The following FMO4 variants were observed in gnomAD, a reference collection of about 807,000 sequenced individuals.
FMO4 encodes the protein dimethylaniline monooxygenase [N-oxide-forming] 4.
FMO4 carries 38 observed loss-of-function variants against 43.3 expected under a neutral mutation model. That is an observed-to-expected ratio of 0.88 (90% confidence interval 0.68 to 1.15). The LOEUF is 1.15. Ranked by LOEUF, FMO4 falls within the 50% of genes most tolerant of loss-of-function variation. FMO4 has a pLI of 0.00. For missense variants in FMO4, 631 were observed against 663.3 expected (o/e 0.95, Z 0.54); for synonymous variants, 224 against 232.2 (o/e 0.96, Z 0.32).
At chr1:171,337,808 G>T (rs373096528) in intron 9 of FMO4, among the ~76,000 whole-genome samples, 195 of 152,082 alleles carry the variant, frequency 1.3e-3, no homozygotes, top group Middle Eastern at 6.8e-3. Flanking sequence ...TAGTCCTCAG[G>T]CCTCTTCTCA....
chr1:171,336,473 A>G (rs1177242348), intron 8 of FMO4, among the ~76,000 whole-genome samples: 1 of 152,208 alleles, frequency 6.6e-6, no homozygotes, highest in Admixed American at 6.5e-5. Flanking sequence ...TAGATGGGAG[A>G]TTGGGAATGA....
intron 5 of FMO4, among the ~76,000 whole-genome samples, chr1:171,325,976 T>C (rs935164742): frequency 3.3e-5 from 5 of 150,852 alleles, no homozygotes; most frequent in African/African-American, 9.8e-5. Context: ...GCCTCCAGAA[T>C]AGTTGGGACT....
intron 3 of FMO4, among the ~76,000 whole-genome samples, chr1:171,322,500 A>G (rs948927701): frequency 1.3e-5 from 2 of 152,194 alleles, no homozygotes; most frequent in Admixed American, 6.5e-5. Context: ...AATCCCACCA[A>G]TGATTTCTGA....
intron 6 of FMO4, 134 bp downstream of exon 6, chr1:171,331,916 ACATTG>A: frequency 1.2e-6 from 1 of 802,446 alleles, no homozygotes; most frequent in Non-Finnish European, 2.0e-6. Context: ...AAAAAAAAAA[ACATTG>A]AAAATCTTTA....
chr1:171,329,168 G>C (rs140797614), intron 5 of FMO4, among the ~76,000 whole-genome samples: 60 of 152,080 alleles, frequency 3.9e-4, no homozygotes, highest in African/African-American at 1.4e-3. Flanking sequence ...AAGGTCAAGA[G>C]GGAAGAGAGA....
chr1:171,319,910 A>C lies in FMO4; in HGVS notation c.85A>C (p.Thr29Pro), dbSNP rs908136828. 1 of 1,613,788 alleles carries C rather than the reference A, an allele frequency of 6.2e-7. No homozygotes were observed. Among genetic ancestry groups the C allele is most frequent in the African/African-American group, 1.3e-5 (1 of 74,906 alleles). Reference protein sequence around the residue: ...KCCVDEDLEPTCFERSDDIGG... With the variant: ...KCCVDEDLEPPCFERSDDIGG... Reference sequence around the variant, plus strand: ...CTGTGTGGATGAGGACCTGGAGCCCACCTGCTTTGAGAGAAGTGATGACAT... The same window carrying C: ...CTGTGTGGATGAGGACCTGGAGCCCCCCTGCTTTGAGAGAAGTGATGACAT... The change falls in exon 3 of 10, where the codon ACC becomes CCC. Residue 29 changes from threonine to proline, a missense_variant. Physicochemically the swap from Thr to Pro is conservative, Grantham distance 38. Coordinates refer to ENST00000367749, the MANE Select transcript of FMO4 (RefSeq NM_002022.3).
intron 8 of FMO4, among the ~76,000 whole-genome samples, chr1:171,336,196 C>T (rs1021480293): frequency 1.3e-5 from 2 of 151,882 alleles, no homozygotes; most frequent in Admixed American, 6.6e-5. Flanking sequence ...CAGGACTGGC[C>T]AGAATGGGAT....
chr1:171,340,963 AC>A (rs1663350093), intron 9 of FMO4, among the ~76,000 whole-genome samples: 1 of 152,170 alleles, frequency 6.6e-6, no homozygotes, highest in African/African-American at 2.4e-5. Flanking sequence ...ATGGAAAAAA[AC>A]ATAAAAAGCA....
At chr1:171,323,801 T>G (rs1331711521) in intron 4 of FMO4, among the ~76,000 whole-genome samples, 3 of 152,202 alleles carry the variant, frequency 2.0e-5, no homozygotes, top group African/African-American at 7.2e-5. Context: ...AAAATCTAGA[T>G]GTCTGAACCA....
intron 1 of FMO4, among the ~76,000 whole-genome samples, chr1:171,315,742 TC>T (rs748963194): frequency 1.9e-4 from 29 of 152,164 alleles, no homozygotes; most frequent in Non-Finnish European, 4.3e-4. Context: ...AGGTGCTAAT[TC>T]CCAATTTGTT....
chr1:171,335,950 G>A (rs1477707722), intron 8 of FMO4, among the ~76,000 whole-genome samples: 2 of 152,092 alleles, frequency 1.3e-5, no homozygotes, highest in Non-Finnish European at 2.9e-5. Flanking sequence ...CTCCAAAATG[G>A]TTATTAGAAT....
At chr1:171,334,800 G>T (rs749810774) in intron 8 of FMO4, 37 bp downstream of exon 8, 2 of 1,236,812 alleles carry the variant, frequency 1.6e-6, no homozygotes, top group South Asian at 3.1e-5. Context: ...TCTTTGGATC[G>T]TAAAATTGGT....
In FMO4 at chr1:171,341,550, T is replaced by C. The variant is rs144673669; in HGVS notation, c.1388T>C (p.Phe463Ser). 42 of 1,613,942 alleles carry C rather than the reference T, an allele frequency of 2.6e-5. No homozygotes were observed. The highest frequency in any genetic ancestry group is 1.6e-4 in the Middle Eastern group (1 of 6,082). Residue 463 changes from phenylalanine (F) to serine (S), a missense_variant, in exon 10 of 10, where the codon TTT (phenylalanine) becomes TCT (serine). Coordinates refer to ENST00000367749, the MANE Select transcript of FMO4 (RefSeq NM_002022.3). The stretch of plus-strand genomic sequence containing the variant: ...CCCAGACTAGCTTGGGAAGTTTTCT[T>C]TGGACCATGTACTCCTTATCAGTAC... The part of the protein sequence containing the change: ...KDPRLAWEVF[F>S]GPCTPYQYRL...
chr1:171,317,307 T>A (rs1048248075), intron 2 of FMO4, among the ~76,000 whole-genome samples: 2 of 152,202 alleles, frequency 1.3e-5, no homozygotes, highest in African/African-American at 4.8e-5. Flanking sequence ...TACAGCTTGA[T>A]CTTTCCTCAA....
chr1:171,340,436 C>T (rs1663323723), intron 9 of FMO4, among the ~76,000 whole-genome samples: 1 of 151,988 alleles, frequency 6.6e-6, no homozygotes, highest in Admixed American at 6.6e-5. Flanking sequence ...TTAAGTAGAA[C>T]AAAAAACCCA....
chr1:171,332,912 C>A lies in FMO4; in HGVS notation c.827+4C>A. On this transcript the variant is annotated splice_donor_region_variant and intron_variant, in intron 7 of 9. Transcript: ENST00000367749. ...ATGGATTAAGTATTACCAAAGGGTA[C>A]TTACATTTTTTATTTAGTAGAAAAA... The A allele has an allele frequency of 8.5e-7, 1 of 1,180,672 alleles. No homozygotes were observed. The highest frequency in any genetic ancestry group is 1.3e-6 in the Non-Finnish European group (1 of 793,238). The allele number at this position is 1,180,672 out of a possible 1,614,324, so 73.1% of individuals were successfully genotyped here. A position where few individuals can be genotyped will look rare whatever the true frequency, so the allele number is the denominator to read the frequency against.
Position 171,341,788 on chromosome 1 carries a change from T to C in FMO4, c.1626T>C (p.Asp542=), listed in dbSNP as rs148854023. 2.0e-5 allele frequency: 33 copies of C among 1,613,770 alleles called. No homozygotes were observed. The African/African-American group carries it at 3.9e-4, about 19-fold the overall frequency. The change falls in exon 10 of 10, where the codon GAT becomes GAC. Residue 542 remains aspartate, a synonymous_variant. Transcript: ENST00000367749. ...CACTTTTCTTGAAATTGGTGAGAGA[T>C]AAACTACAGGACAGAATGTCCCCTT... ...KSSLFLKLVR[D]KLQDRMSPYL... is the part of the protein sequence containing the mutation.
chr1:171,318,726 C>A (rs1166635314), intron 2 of FMO4, among the ~76,000 whole-genome samples: 2 of 152,140 alleles, frequency 1.3e-5, no homozygotes, highest in Non-Finnish European at 2.9e-5. Flanking sequence ...TTTAGTTGAG[C>A]ACTTACTATG....
intron 5 of FMO4, among the ~76,000 whole-genome samples, chr1:171,324,848 A>G (rs1477467350): frequency 6.6e-6 from 1 of 152,202 alleles, no homozygotes; most frequent in African/African-American, 2.4e-5. Context: ...TTGGCTGGGC[A>G]TAGCGGTTCA....
Sources: allele counts gnomAD v4.1 joint callset (sites outside exome capture counted in the v4.1 genomes callset), GRCh38; gene constraint gnomAD v4.1.1; transcripts MANE v1.5; gene names NCBI Gene and HGNC (gene_info 2026-07-23, HGNC 2026-07-21).